NR1H4: variants seen among roughly 807,000 people sequenced by gnomAD.
NR1H4 encodes nuclear receptor subfamily 1 group H member 4.
In NR1H4, 23 loss-of-function variants were observed where a neutral mutation model predicts 58.5. The ratio of observed to expected loss-of-function variants is 0.39; its 90% confidence interval spans 0.28 to 0.56. The LOEUF is 0.56. Ranked by LOEUF, NR1H4 falls within the 20% of genes least tolerant of loss-of-function variation. NR1H4 has a pLI of 0.58. For missense variants in NR1H4, 487 were observed against 576.9 expected (o/e 0.84, Z 1.60); for synonymous variants, 214 against 198.0 (o/e 1.08, Z -0.68).
At chr12:100,542,709 A>G (rs1954966504) in intron 9 of NR1H4, among the ~76,000 whole-genome samples, 1 of 152,234 alleles carries the variant, frequency 6.6e-6, no homozygotes, top group African/African-American at 2.4e-5. Flanking sequence ...GTAGTTCTGC[A>G]TCTGTGATAT....
rs367707597 is a variant in NR1H4 at position 100,537,062 on chromosome 12, A to G, written c.931+15A>G. On this transcript the variant is annotated intron_variant, in intron 8 of 10. Transcript: ENST00000392986. Reference sequence around the variant, plus strand: ...AAAGCTACCAGGTATTTTTTAAATAATCAAAGTTAATATTTATTGAGAGTT... The same window carrying G: ...AAAGCTACCAGGTATTTTTTAAATAGTCAAAGTTAATATTTATTGAGAGTT... 5 of 1,428,612 alleles carry G rather than the reference A, an allele frequency of 3.5e-6. No individual in the cohort carries two copies. The highest frequency in any genetic ancestry group is 2.4e-5 in the South Asian group (2 of 84,464). The allele number at this position is 1,428,612 out of a possible 1,614,324, so 88.5% of individuals were successfully genotyped here.
At chr12:100,512,799 C>T (rs1463356143) in intron 4 of NR1H4, among the ~76,000 whole-genome samples, 1 of 152,162 alleles carries the variant, frequency 6.6e-6, no homozygotes, top group Non-Finnish European at 1.5e-5. Context: ...GAATAAAAAC[C>T]ATCTCTTGAG....
intron 1 of NR1H4, among the ~76,000 whole-genome samples, chr12:100,492,208 A>G (rs1213194033): frequency 3.3e-5 from 5 of 152,194 alleles, no homozygotes; most frequent in African/African-American, 1.2e-4. Flanking sequence ...CCCAGCAGCC[A>G]AGTGCACCTG....
rs369326566 is a variant in NR1H4 at position 100,482,324 on chromosome 12, T to G, written c.-190+8265T>G. Among the ~76,000 whole-genome samples, 12 of 152,324 alleles carry G rather than the reference T, an allele frequency of 7.9e-5. No individual in the cohort carries two copies. In the East Asian group the frequency reaches 1.3e-3, roughly 17 times the overall value. On this transcript the variant is annotated intron_variant, in intron 1 of 10. Coordinates refer to ENST00000392986, the MANE Select transcript of NR1H4 (RefSeq NM_001206979.2). ...CAAAAAAAAAATCCTTCTTCGGCTC[T>G]TGTGTGTATTGTGTTGTATGCCTCT...
intron 1 of NR1H4, among the ~76,000 whole-genome samples, chr12:100,477,286 T>A (rs1953291347): frequency 6.6e-6 from 1 of 152,072 alleles, no homozygotes; most frequent in Non-Finnish European, 1.5e-5. Context: ...GGAAAAAAAA[T>A]AAGATTTATT....
intron 1 of NR1H4, among the ~76,000 whole-genome samples, chr12:100,476,929 C>A (rs763945754): frequency 6.6e-6 from 1 of 151,926 alleles, no homozygotes; most frequent in Non-Finnish European, 1.5e-5. Flanking sequence ...AATTTTCCTC[C>A]CAGGTATTTT....
chr12:100,545,662 A>AAAAAC (rs1565777422), intron 9 of NR1H4, among the ~76,000 whole-genome samples: 1,801 of 140,740 alleles, frequency 0.013, 195 homozygotes, highest in African/African-American at 0.053. Flanking sequence ...AAAAAAAAAA[A>AAAAAC]AAAAAAACCA....
At chr12:100,483,587 T>A (rs989004484) in intron 1 of NR1H4, among the ~76,000 whole-genome samples, 41 of 152,350 alleles carry the variant, frequency 2.7e-4, no homozygotes, top group Middle Eastern at 3.4e-3. Flanking sequence ...TCTGTATTTC[T>A]GTCCTGGAAA....
intron 5 of NR1H4, 133 bp from the exon 6 acceptor site, chr12:100,534,757 A>C: frequency 1.0e-6 from 1 of 1,003,622 alleles, no homozygotes; most frequent in South Asian, 1.4e-5. Flanking sequence ...TCTAAAATGC[A>C]TAAAAGGCTA....
At chr12:100,552,743 C>A (rs143507326) in intron 9 of NR1H4, among the ~76,000 whole-genome samples, 48 of 152,174 alleles carry the variant, frequency 3.2e-4, no homozygotes, top group Middle Eastern at 6.8e-3. Flanking sequence ...GAATACATAG[C>A]AAGTCCCTGT....
intron 1 of NR1H4, among the ~76,000 whole-genome samples, chr12:100,478,758 C>T (rs1953321108): frequency 6.6e-6 from 1 of 152,118 alleles, no homozygotes; most frequent in Non-Finnish European, 1.5e-5. Context: ...TGCATACCAG[C>T]AAAGATTTCT....
chr12:100,523,755 A>G (rs1954486389), intron 4 of NR1H4, among the ~76,000 whole-genome samples: 1 of 152,124 alleles, frequency 6.6e-6, no homozygotes, highest in South Asian at 2.1e-4. Context: ...CCCTCTTCCT[A>G]TTAGTTAACC....
At chr12:100,519,315 A>G (rs1360119892) in intron 4 of NR1H4, among the ~76,000 whole-genome samples, 1 of 152,040 alleles carries the variant, frequency 6.6e-6, no homozygotes, top group Non-Finnish European at 1.5e-5. Flanking sequence ...TACCAGGATT[A>G]AGGGAGGGTT....
intron 3 of NR1H4, chr12:100,505,459 T>C (rs1371865752): frequency 3.8e-6 from 2 of 519,856 alleles, no homozygotes; most frequent in African/African-American, 3.8e-5. Flanking sequence ...GGCTACCATA[T>C]TGGTAGGTAC....
At chr12:100,488,242 C>T (rs1366660252) in intron 1 of NR1H4, among the ~76,000 whole-genome samples, 4 of 152,114 alleles carry the variant, frequency 2.6e-5, no homozygotes, top group African/African-American at 4.8e-5. Flanking sequence ...TCAAGTAATC[C>T]GCCCACCTCA....
chr12:100,518,808 T>TG (rs1422693007), intron 4 of NR1H4, among the ~76,000 whole-genome samples: 1 of 149,686 alleles, frequency 6.7e-6, no homozygotes, highest in African/African-American at 2.5e-5. Context: ...TTTTTTTTTT[T>TG]TTGAGATGGA....
chr12:100,515,000 G>A (rs187094871), intron 4 of NR1H4, among the ~76,000 whole-genome samples: 1 of 151,940 alleles, frequency 6.6e-6, no homozygotes, highest in African/African-American at 2.4e-5. Flanking sequence ...TTTTGAGTTT[G>A]GTATCACTAG....
intron 4 of NR1H4, among the ~76,000 whole-genome samples, chr12:100,519,743 A>G (rs1045059665): frequency 3.3e-5 from 5 of 152,082 alleles, no homozygotes; most frequent in Non-Finnish European, 7.4e-5. Flanking sequence ...TAATCTCTCA[A>G]TCCACCTATC....
At chr12:100,558,359 A>G (rs1173462298) in intron 9 of NR1H4, among the ~76,000 whole-genome samples, 2 of 147,274 alleles carry the variant, frequency 1.4e-5, no homozygotes, top group Non-Finnish European at 3.0e-5. Flanking sequence ...CAAAAAAAAA[A>G]AAAAAAAAAA....
Sources: gnomAD v4.1 joint callset for allele counts (sites outside exome capture counted in the v4.1 genomes callset) on GRCh38, gnomAD v4.1.1 for gene constraint, MANE v1.5 for transcripts, NCBI Gene and HGNC (gene_info 2026-07-23, HGNC 2026-07-21) for gene names.